The following ATIC variants were observed in gnomAD, a reference collection of about 807,000 sequenced individuals.
The protein encoded by ATIC is bifunctional purine biosynthesis protein ATIC.
In ATIC, 64 loss-of-function variants were observed where a neutral mutation model predicts 72.5. The ratio of observed to expected loss-of-function variants is 0.88; its 90% CI spans 0.72 to 1.09. The LOEUF (loss-of-function observed/expected upper bound fraction) is 1.09, where lower values mean the gene tolerates loss of function less well. ATIC is among the 50% of genes least tolerant of loss of function. The pLI, the probability that ATIC is intolerant of heterozygous loss-of-function variation, is 0.00. For missense variants in ATIC, 787 were observed against 732.4 expected (o/e 1.07, Z -0.86); for synonymous variants, 281 against 267.1 (o/e 1.05, Z -0.51).
rs1462518732 is a variant in ATIC, at chr2:215,332,483, T to G, written c.790T>G (p.Ser264Ala). 1.2e-6 allele frequency: 2 copies of G among 1,614,052 alleles called. No individual in the cohort carries two copies. Among genetic ancestry groups the G allele is most frequent in the East Asian group, 2.2e-5 (1 of 44,890 alleles). The part of the protein sequence containing the change: ...KEALGIPAAA[S>A]FKHVSPAGAA... ...GGCTTTAGGTATTCCAGCCGCTGCC[T>G]CTTTCAAACATGTCAGCCCAGCAGG... The change falls in exon 8 of 16, where the codon TCT (serine) becomes GCT (alanine). Residue 264 changes from serine to alanine, a missense_variant. By Grantham distance (99) the Ser-to-Ala change is moderately conservative (BLOSUM62 1). Transcript: ENST00000236959.
the ATIC span, chr2:215,361,926 T>C: frequency 6.2e-7 from 1 of 1,605,998 alleles, no homozygotes; most frequent in Non-Finnish European, 8.5e-7. Flanking sequence ...AGAAAGAGAC[T>C]GTCTAGTATG....
At chr2:215,321,127 G>A (rs942234491) in intron 4 of ATIC, among the ~76,000 whole-genome samples, 2 of 152,194 alleles carry the variant, frequency 1.3e-5, no homozygotes, top group South Asian at 2.1e-4. Flanking sequence ...ATACCCATAC[G>A]CATTTATTCT....
chr2:215,326,661 C>T (rs1039602693), intron 6 of ATIC, among the ~76,000 whole-genome samples, 161 bp from the exon 7 acceptor site: 1 of 151,590 alleles, frequency 6.6e-6, no homozygotes, highest in African/African-American at 2.4e-5. Flanking sequence ...ATTTGTTGGG[C>T]CATTCAGTGC....
intron 12 of ATIC, among the ~76,000 whole-genome samples, chr2:215,342,667 T>TG (rs1559278666): frequency 3.3e-5 from 5 of 152,180 alleles, no homozygotes; most frequent in African/African-American, 7.2e-5. Flanking sequence ...TTTTGTGTGT[T>TG]TGTGTGAGCA....
chr2:215,365,881 CTG>C, the ATIC span: 1 of 193,474 alleles, frequency 5.2e-6, no homozygotes, highest in African/African-American at 2.4e-5. Context: ...TCTCGGCTCA[CTG>C]TAACCTCCAT....
chr2:215,350,182 G>A (rs1259622544), downstream of ATIC, among the ~76,000 whole-genome samples: 2 of 152,120 alleles, frequency 1.3e-5, no homozygotes, highest in Non-Finnish European at 2.9e-5. Context: ...CTGTCACTCA[G>A]GCTAGAGTCC....
chr2:215,321,364 T>TTA (rs2052765206), intron 4 of ATIC, among the ~76,000 whole-genome samples: 1 of 151,742 alleles, frequency 6.6e-6, no homozygotes, highest in Non-Finnish European at 1.5e-5. Flanking sequence ...CATACCCTGT[T>TTA]GTTTATCAGT....
intron 14 of ATIC, 122 bp from the exon 15 acceptor site, chr2:215,348,964 AAAAATAAT>A: frequency 1.3e-6 from 1 of 791,230 alleles, no homozygotes; most frequent in Non-Finnish European, 1.8e-6. Flanking sequence ...CTAAAAAAAA[AAAAATAAT>A]AATAATAATA....
At chr2:215,332,555 T>G in intron 8 of ATIC, 48 bp downstream of exon 8, 1 of 1,603,052 alleles carries the variant, frequency 6.2e-7, no homozygotes, top group Middle Eastern at 1.7e-4. Context: ...GAAAGGCATT[T>G]CTTCTTAAAT....
At chr2:215,365,666 T>A in the ATIC span, 1 of 1,611,250 alleles carries the variant, frequency 6.2e-7, no homozygotes, top group Non-Finnish European at 8.5e-7. Flanking sequence ...CAAAAAGTTA[T>A]TTGTATATTC....
the ATIC span, chr2:215,361,767 C>T: frequency 1.0e-6 from 1 of 981,352 alleles, no homozygotes; most frequent in Middle Eastern, 2.8e-4. Flanking sequence ...AACCTAGCAG[C>T]ATACTGGGCA....
chr2:215,329,709 A>G (rs1269737260), intron 7 of ATIC, among the ~76,000 whole-genome samples: 2 of 152,088 alleles, frequency 1.3e-5, no homozygotes, highest in Non-Finnish European at 2.9e-5. Flanking sequence ...TTTCTCTGGC[A>G]CTTTCTATTT....
intron 10 of ATIC, among the ~76,000 whole-genome samples, chr2:215,335,371 A>T (rs1260675452): frequency 6.6e-6 from 1 of 152,212 alleles, no homozygotes; most frequent in African/African-American, 2.4e-5. Flanking sequence ...AACTACATTA[A>T]TAAACTTACC....
In ATIC at chr2:215,318,577, C is replaced by T. The variant is rs371388761; in HGVS notation, c.223+344C>T. Reference sequence around the variant, plus strand: ...TCAAACTTAGAAGAAAGCATCACAGCGTAACTGACTTGCAAAGGAATTTTT... The same window carrying T: ...TCAAACTTAGAAGAAAGCATCACAGTGTAACTGACTTGCAAAGGAATTTTT... On this transcript the variant is annotated intron_variant, in intron 3 of 15. Transcript: ENST00000236959. 3.3e-5 allele frequency among the ~76,000 whole-genome samples: 5 copies of T among 152,162 alleles called. No homozygotes were observed. The South Asian group carries it at 6.2e-4, about 19-fold the overall frequency.
chr2:215,319,684 TC>T lies in ATIC; in HGVS notation c.245del (p.Pro82GlnfsTer15), dbSNP rs757991085. 1.6e-4 allele frequency: 257 copies of T among 1,611,794 alleles called. No homozygotes were observed. The highest frequency in any genetic ancestry group is 2.1e-4 in the Non-Finnish European group (242 of 1,178,010). On this transcript the variant is annotated frameshift_variant, in exon 4 of 16. Coordinates refer to ENST00000236959, the MANE Select transcript of ATIC (RefSeq NM_004044.7). LOFTEE classifies it high-confidence loss of function. ...AATTAGGAATCCTAGCTCGTAATAT[TC>T]CAGAAGATAATGCTGACATGGCCAG... is the stretch of plus-strand genomic sequence containing the variant. The part of the protein sequence containing the change: ...VHAGILARNI[P>X]EDNADMARLD...
the ATIC span, among the ~76,000 whole-genome samples, chr2:215,356,974 G>T: frequency 6.6e-6 from 1 of 152,138 alleles, no homozygotes; most frequent in Non-Finnish European, 1.5e-5. Flanking sequence ...GAAGTCGTAT[G>T]GTAACTGTTT....
chr2:215,314,837 C>T (rs1267951327), intron 2 of ATIC, among the ~76,000 whole-genome samples: 3 of 152,022 alleles, frequency 2.0e-5, no homozygotes, highest in Non-Finnish European at 2.9e-5. Flanking sequence ...TGCTCTCCAT[C>T]GTAAACGTCA....
Position 215,336,125 on chromosome 2 carries a change from G to A in ATIC, c.1098+1G>A, listed in dbSNP as rs1167912025. The A allele has an allele frequency of 6.2e-7, 1 of 1,603,966 alleles. No individual in the cohort carries two copies. Among genetic ancestry groups the A allele is most frequent in the Admixed American group, 1.7e-5 (1 of 59,996 alleles). On this transcript the variant is annotated splice_donor_variant, in intron 11 of 15. Transcript: ENST00000236959. LOFTEE classifies it high-confidence loss of function. Reference sequence around the variant, plus strand: ...AAATGGAAACTATTGTGTCCTTCAGGTGAGTGCAATTCATGTTTGAAGCGG... The same window carrying A: ...AAATGGAAACTATTGTGTCCTTCAGATGAGTGCAATTCATGTTTGAAGCGG...
In ATIC at chr2:215,319,184, A is replaced by G. The variant is rs1207504522; in HGVS notation, c.224-481A>G. On this transcript the variant is annotated intron_variant, in intron 3 of 15. Coordinates refer to ENST00000236959, the MANE Select transcript of ATIC (RefSeq NM_004044.7). ...CATGAGCCACTGTGGCCAGCCAGAT[A>G]TATCTGTTAATCCTAATTTTTTTGT... 3.3e-5 allele frequency among the ~76,000 whole-genome samples: 5 copies of G among 152,222 alleles called. 1 individual carries two copies. Among genetic ancestry groups the G allele is most frequent in the Admixed American group, 2.6e-4 (4 of 15,286 alleles).
Sources: gnomAD v4.1 joint callset for allele counts (sites outside exome capture counted in the v4.1 genomes callset) on GRCh38, gnomAD v4.1.1 for gene constraint, MANE v1.5 for transcripts, NCBI Gene and HGNC (gene_info 2026-07-23, HGNC 2026-07-21) for gene names.